The following NR5A2 variants were observed in gnomAD, a reference collection of about 807,000 sequenced individuals.
The protein encoded by NR5A2 is CYP7A promoter-binding factor.
In NR5A2, 26 loss-of-function variants were observed where a neutral mutation model predicts 62.7. The observed-to-expected ratio is 0.41, with a 90% CI of 0.30 to 0.58. The LOEUF (loss-of-function observed/expected upper bound fraction) is 0.58, where lower values mean the gene tolerates loss of function less well. Ranked by LOEUF, NR5A2 falls within the 20% of genes least tolerant of loss-of-function variation. NR5A2 has a pLI of 0.22. For missense variants in NR5A2, 541 were observed against 669.1 expected (o/e 0.81, Z 2.11); for synonymous variants, 246 against 241.7 (o/e 1.02, Z -0.16).
intron 7 of NR5A2, among the ~76,000 whole-genome samples, chr1:200,167,820 C>G (rs890754388): frequency 7.2e-5 from 11 of 152,152 alleles, no homozygotes; most frequent in African/African-American, 2.7e-4. Context: ...CTAGGATGTG[C>G]GTTCTCTTCC....
chr1:200,177,137 T>G lies in NR5A2; in HGVS notation c.*2927T>G, dbSNP rs1344247321. 6.6e-6 allele frequency: 1 copy of G among 152,612 alleles called. No individual in the cohort carries two copies. Among genetic ancestry groups the G allele is most frequent in the Non-Finnish European group, 1.5e-5 (1 of 68,044 alleles). The allele number at this position is 152,612 out of a possible 1,614,324, so 9.5% of individuals were successfully genotyped here. A position where few individuals can be genotyped will look rare whatever the true frequency, so the allele number is the denominator to read the frequency against. Reference sequence around the variant, plus strand: ...ACAGGATTTGCCGGTAAAAGCAGACTCAAATATAAAGGTTTTTGGCTTAAC... The same window carrying G: ...ACAGGATTTGCCGGTAAAAGCAGACGCAAATATAAAGGTTTTTGGCTTAAC... On this transcript the variant is annotated 3_prime_UTR_variant, in exon 8 of 8. Coordinates refer to ENST00000367362, the MANE Select transcript of NR5A2 (RefSeq NM_205860.3).
chr1:200,039,696 G>A lies in NR5A2; in HGVS notation c.103G>A (p.Ala35Thr), dbSNP rs1459751058. The change falls in exon 2 of 8, where the codon GCC (alanine) becomes ACC (threonine). Residue 35 changes from alanine to threonine, a missense_variant. Ala to Thr is a moderately conservative substitution (Grantham distance 58). This residue lies in a region of NR5A2 where 108 missense variants were observed against 103.3 expected (regional missense o/e 1.05). Transcript: ENST00000367362. The surrounding 1 kb of genome is among the most constrained non-coding windows in gnomAD (Gnocchi z 5.1). The stretch of plus-strand genomic sequence containing the variant: ...GGACCGACACGGATCCCCCATCCCC[G>A]CCCGCGGTCGCCTTGTCATGCTGCC... The part of the protein sequence containing the change: ...LPDRHGSPIP[A>T]RGRLVMLPKV... 3.7e-6 allele frequency: 6 copies of A among 1,608,760 alleles called. No homozygotes were observed. The highest frequency in any genetic ancestry group is 2.3e-5 in the East Asian group (1 of 44,164).
At chr1:200,061,095 TG>T (rs1320452224) in intron 5 of NR5A2, among the ~76,000 whole-genome samples, 1 of 129,730 alleles carries the variant, frequency 7.7e-6, no homozygotes, top group Non-Finnish European at 1.6e-5. Flanking sequence ...TGCTCTAGCC[TG>T]GCCAACAGAG....
In NR5A2 at chr1:200,039,475, C is replaced by T. The variant is rs898312341; in HGVS notation, c.65-183C>T. On this transcript the variant is annotated intron_variant, in intron 1 of 7. Transcript: ENST00000367362. This position sits in a 1 kb window ranked among gnomAD's most constrained non-coding sequence, Gnocchi z 5.1. ...CCTCGCCTCCTTTTTTAACCCTGAC[C>T]TCCTCCTCGCAGCTTGGGGGCGGCT... 6.6e-6 allele frequency among the ~76,000 whole-genome samples: 1 copy of T among 152,134 alleles called. No individual in the cohort carries two copies. The highest frequency in any genetic ancestry group is 1.5e-5 in the Non-Finnish European group (1 of 68,000).
chr1:200,107,253 A>G (rs1665725345), intron 5 of NR5A2, among the ~76,000 whole-genome samples: 1 of 152,098 alleles, frequency 6.6e-6, no homozygotes, highest in African/African-American at 2.4e-5. Flanking sequence ...TGCAGAAGTG[A>G]AAGTAATTCA....
At chr1:200,081,322 AG>A (rs1325207275) in intron 5 of NR5A2, among the ~76,000 whole-genome samples, 5 of 152,354 alleles carry the variant, frequency 3.3e-5, no homozygotes, top group Non-Finnish European at 7.3e-5. Context: ...ATGTTTGAAA[AG>A]TTACCAACTT....
intron 7 of NR5A2, among the ~76,000 whole-genome samples, chr1:200,135,925 G>A (rs982937133): frequency 7.2e-5 from 11 of 152,148 alleles, no homozygotes; most frequent in Non-Finnish European, 1.5e-4. Flanking sequence ...TCTTTCTCAC[G>A]TCAGCAATAA....
rs145778088 is a variant in NR5A2 at position 200,059,428 on chromosome 1, A to C, written c.1110+10610A>C. On this transcript the variant is annotated intron_variant, in intron 5 of 7. Coordinates refer to ENST00000367362, the MANE Select transcript of NR5A2 (RefSeq NM_205860.3). ...AGCTTGTCTGCCTAGAAGTAGCCAC[A>C]TGCTTGTTTGCTGAGAATAATTAGG... Among the ~76,000 whole-genome samples, 17 of 152,302 alleles carry C rather than the reference A, an allele frequency of 1.1e-4. No homozygotes were observed. In the East Asian group the frequency reaches 1.7e-3, roughly 16 times the overall value.
chr1:200,119,707 A>C (rs1571510278), intron 6 of NR5A2, among the ~76,000 whole-genome samples: 2 of 151,914 alleles, frequency 1.3e-5, no homozygotes, highest in Admixed American at 6.6e-5. Flanking sequence ...GCTCACTGCA[A>C]CCTCCGCCTC....
chr1:200,074,736 C>CAAAAAAAAAAAAAAAAAAAAAAAAAAA (rs199556915), intron 5 of NR5A2, among the ~76,000 whole-genome samples: 32 of 67,536 alleles, frequency 4.7e-4, no homozygotes, highest in African/African-American at 8.5e-4. Flanking sequence ...GAGTCCATCT[C>CAAAAAAAAAAAAAAAAAAAAAAAAAAA]AAAAAAAAAA....
chr1:200,093,431 G>A (rs1442398628), intron 5 of NR5A2, among the ~76,000 whole-genome samples: 1 of 152,028 alleles, frequency 6.6e-6, no homozygotes, highest in African/African-American at 2.4e-5. Flanking sequence ...CTAGAAATGA[G>A]GTAGAAACAA....
chr1:200,048,078 C>G lies in NR5A2; in HGVS notation c.464-94C>G. 2.4e-6 allele frequency: 3 copies of G among 1,238,186 alleles called. No homozygotes were observed. The highest frequency in any genetic ancestry group is 4.7e-5 in the East Asian group (2 of 42,552). 76.7% of individuals were successfully genotyped at this position (1,238,186 alleles called of 1,614,324 possible). A position where few individuals can be genotyped will look rare whatever the true frequency, so the allele number is the denominator to read the frequency against. The stretch of plus-strand genomic sequence containing the variant: ...GAAAACAACCACACACATACCACTT[C>G]TTGTCGATTTACATTTCTAAATATC... On this transcript the variant is annotated intron_variant, in intron 4 of 7. Transcript: ENST00000367362. The surrounding 1 kb of genome is among the most constrained non-coding windows in gnomAD (Gnocchi z 4.8).
chr1:200,043,014 G>C (rs528083186), intron 2 of NR5A2: 447 of 985,212 alleles, frequency 4.5e-4, no homozygotes, highest in Non-Finnish European at 5.2e-4. Flanking sequence ...GTTCATTACA[G>C]GGCTTCAATA....
At chr1:200,109,174 T>G (rs917743509) in intron 5 of NR5A2, among the ~76,000 whole-genome samples, 8 of 152,214 alleles carry the variant, frequency 5.3e-5, no homozygotes, top group Non-Finnish European at 8.8e-5. Context: ...GCTATTTACT[T>G]AATGAATGTA....
intron 7 of NR5A2, among the ~76,000 whole-genome samples, chr1:200,122,215 G>T (rs116106858): frequency 6.6e-6 from 1 of 152,182 alleles, no homozygotes. Flanking sequence ...AAGTAAGTCT[G>T]CATCTTTTAC....
chr1:200,088,258 T>TA (rs2102247541), intron 5 of NR5A2, among the ~76,000 whole-genome samples: 1 of 150,292 alleles, frequency 6.7e-6, no homozygotes, highest in East Asian at 2.0e-4. Context: ...ATTGAAACAA[T>TA]AAAAAACTCC....
chr1:200,067,979 A>G (rs2102209802), intron 5 of NR5A2, among the ~76,000 whole-genome samples: 1 of 152,234 alleles, frequency 6.6e-6, no homozygotes, highest in East Asian at 1.9e-4. Context: ...CTTTAAAGGT[A>G]TTTTTCTCCT....
intron 5 of NR5A2, among the ~76,000 whole-genome samples, chr1:200,094,709 T>C (rs1019478787): frequency 2.6e-5 from 4 of 151,446 alleles, no homozygotes; most frequent in Non-Finnish European, 5.9e-5. Context: ...ATTTTTTGTA[T>C]TTTTAGTAGA....
chr1:200,052,934 C>A (rs1283914954), intron 5 of NR5A2, among the ~76,000 whole-genome samples: 1 of 152,192 alleles, frequency 6.6e-6, no homozygotes, highest in Admixed American at 6.5e-5. Context: ...GCCACCGCAC[C>A]CGGCCTACCT....
Sources: gnomAD v4.1 joint callset for allele counts (sites outside exome capture counted in the v4.1 genomes callset) on GRCh38, gnomAD v4.1.1 for gene constraint, gnomAD v4.1.1 regional missense constraint, Gnocchi (gnomAD v3.1) non-coding constraint, MANE v1.5 for transcripts, NCBI Gene and HGNC (gene_info 2026-07-23, HGNC 2026-07-21) for gene names.